The following ACOT12 variants were observed in gnomAD, a reference collection of about 807,000 sequenced individuals.
ACOT12 encodes acetyl-coenzyme A thioesterase.
ACOT12 carries 51 observed loss-of-function variants against 67.7 expected under a neutral mutation model. The ratio of observed to expected loss-of-function variants is 0.75; its 90% CI spans 0.60 to 0.95. The LOEUF is 0.95. Among genes scored for constraint, ACOT12 ranks in the 40% least tolerant of loss-of-function variants. ACOT12 has a pLI of 0.00. For missense variants in ACOT12, 734 were observed against 708.1 expected (o/e 1.04, Z -0.41); for synonymous variants, 251 against 244.6 (o/e 1.03, Z -0.24).
chr5:81,331,598 G>T (rs527798597), intron 13 of ACOT12, among the ~76,000 whole-genome samples: 50 of 152,244 alleles, frequency 3.3e-4, no homozygotes, highest in Non-Finnish European at 5.3e-4. Context: ...GAACCCTGTA[G>T]GCTACAAAAT....
rs769635280 is a variant in ACOT12, at chr5:81,344,986, G to T, written c.829C>A (p.Arg277=). The change falls in exon 8 of 15, where the codon CGA becomes AGA. Residue 277 remains arginine, a synonymous_variant. Coordinates refer to ENST00000307624, the MANE Select transcript of ACOT12 (RefSeq NM_130767.3). ...AAAGCACTGTTGATGTGACGCCCTC[G>T]GCCCTCGGCCCATTCCTGACAGTCA... ...AFDCQEWAEG[R]GRHINSAFLI... The T allele has an allele frequency of 6.2e-7, 1 of 1,614,096 alleles. No individual in the cohort carries two copies. The highest frequency in any genetic ancestry group is 1.7e-5 in the Admixed American group (1 of 60,016).
At chr5:81,373,922 A>C (rs139709623) in intron 2 of ACOT12, among the ~76,000 whole-genome samples, 6 of 152,168 alleles carry the variant, frequency 3.9e-5, no homozygotes. Flanking sequence ...CAGCAGACTT[A>C]AATGTCCCTG....
the ACOT12 span, among the ~76,000 whole-genome samples, chr5:81,321,751 A>G: frequency 6.6e-6 from 1 of 152,150 alleles, no homozygotes; most frequent in South Asian, 2.1e-4. Flanking sequence ...GTTCAAGACC[A>G]GCCTGGGCAA....
At chr5:81,326,050 A>G (rs1386556140), downstream of ACOT12, among the ~76,000 whole-genome samples, 1 of 149,276 alleles carries the variant, frequency 6.7e-6, no homozygotes, top group Non-Finnish European at 1.5e-5. Context: ...CAAGTGATCC[A>G]TGTGCCTCAG....
rs2153848709 is a variant in ACOT12 at position 81,344,207 on chromosome 5, G to A, written c.933C>T (p.Phe311=). The change falls in exon 9 of 15, where the codon TTC becomes TTT. Residue 311 remains phenylalanine, a synonymous_variant. Transcript: ENST00000307624. ...PRIQPISKDD[F]RRYRGAIARK... Reference sequence around the variant, plus strand: ...GTGCAATAGCTCCCCGATAGCGTCTGAAATCATCCTTTAATCAAAAACAAA... The same window carrying A: ...GTGCAATAGCTCCCCGATAGCGTCTAAAATCATCCTTTAATCAAAAACAAA... 3 of 1,612,920 alleles carry A rather than the reference G, an allele frequency of 1.9e-6. No homozygotes were observed. Among genetic ancestry groups the A allele is most frequent in the Non-Finnish European group, 2.5e-6 (3 of 1,179,436 alleles).
chr5:81,310,968 C>A, the ACOT12 span, among the ~76,000 whole-genome samples: 30 of 152,322 alleles, frequency 2.0e-4, no homozygotes, highest in African/African-American at 7.2e-4. Context: ...TATCTCATTT[C>A]TTTTTCCTAC....
At chr5:81,390,041 A>T (rs1760824137) in intron 1 of ACOT12, among the ~76,000 whole-genome samples, 1 of 146,930 alleles carries the variant, frequency 6.8e-6, no homozygotes, top group Non-Finnish European at 1.5e-5. Flanking sequence ...TGCAGCCTCG[A>T]CCTCCCAGGC....
chr5:81,362,163 CTTTT>C (rs529301882), intron 4 of ACOT12, among the ~76,000 whole-genome samples: 8 of 131,634 alleles, frequency 6.1e-5, no homozygotes, highest in Non-Finnish European at 6.4e-5. Context: ...CTATTATATT[CTTTT>C]TTTTTTTTTT....
chr5:81,321,511 G>T, the ACOT12 span, among the ~76,000 whole-genome samples: 2 of 151,914 alleles, frequency 1.3e-5, no homozygotes, highest in African/African-American at 2.4e-5. Flanking sequence ...TTTTAAAAAT[G>T]GAAAACTTGG....
intron 6 of ACOT12, among the ~76,000 whole-genome samples, chr5:81,346,434 C>T (rs1191446903): frequency 6.6e-6 from 1 of 152,192 alleles, no homozygotes; most frequent in African/African-American, 2.4e-5. Flanking sequence ...CAAATTCACC[C>T]ACAGATCAAA....
the ACOT12 span, among the ~76,000 whole-genome samples, chr5:81,310,157 T>TAAAAAAAAAA: frequency 0.034 from 3,560 of 104,240 alleles, 135 homozygotes; most frequent in East Asian, 0.093. Context: ...TGACTAGCTG[T>TAAAAAAAAAA]AAAAAAAAAA....
At chr5:81,368,543 G>A (rs1019136721) in intron 3 of ACOT12, among the ~76,000 whole-genome samples, 2 of 151,898 alleles carry the variant, frequency 1.3e-5, no homozygotes, top group African/African-American at 2.4e-5. Context: ...ACATAAAGAT[G>A]TATCTGGAAA....
In ACOT12 at chr5:81,349,486, T is replaced by A. The variant is rs115966238; in HGVS notation, c.497-1556A>T. On this transcript the variant is annotated intron_variant, in intron 5 of 14. Coordinates refer to ENST00000307624, the MANE Select transcript of ACOT12 (RefSeq NM_130767.3). Reference sequence around the variant, plus strand: ...GTCACATCCCTGCTGTCTACGGCAATCCCCCTGGCCACCATCACCTGTGTC... The same window carrying A: ...GTCACATCCCTGCTGTCTACGGCAAACCCCCTGGCCACCATCACCTGTGTC... Among the ~76,000 whole-genome samples the A allele has an allele frequency of 6.7e-3, 1,025 of 152,156 alleles. 7 individuals carry two copies. The highest frequency in any genetic ancestry group is 0.024 in the African/African-American group (977 of 41,514).
intron 2 of ACOT12, among the ~76,000 whole-genome samples, chr5:81,373,351 T>C (rs1244806601): frequency 6.6e-6 from 1 of 152,194 alleles, no homozygotes; most frequent in African/African-American, 2.4e-5. Context: ...ACTGAGCTTT[T>C]CCCATGGTCT....
intron 12 of ACOT12, among the ~76,000 whole-genome samples, chr5:81,335,055 T>C (rs531129852): frequency 6.6e-6 from 1 of 152,296 alleles, no homozygotes; most frequent in South Asian, 2.1e-4. Context: ...CAATGAAATA[T>C]TGAGAGTATG....
At chr5:81,330,988 G>A (rs1184832099) in intron 13 of ACOT12, 48 bp from the exon 14 acceptor site, 2 of 1,519,516 alleles carry the variant, frequency 1.3e-6, no homozygotes, top group African/African-American at 2.8e-5. Flanking sequence ...AAGAATAGTT[G>A]TTAGAAAATA....
chr5:81,371,765 G>C lies in ACOT12; in HGVS notation c.243C>G (p.Phe81Leu), dbSNP rs773631416. 68 of 1,614,000 alleles carry C rather than the reference G, an allele frequency of 4.2e-5. No homozygotes were observed. Among genetic ancestry groups the C allele is most frequent in the Non-Finnish European group, 5.2e-5 (61 of 1,180,000 alleles). Residue 81 changes from phenylalanine to leucine, a missense_variant, in exon 3 of 15, where the codon TTC (phenylalanine) becomes TTG (leucine). Coordinates refer to ENST00000307624, the MANE Select transcript of ACOT12 (RefSeq NM_130767.3). ...TGCCTCTTACCTCCATGCTTGTGCT[G>C]AATGCTCTAGTAACTTTTGCTTTGA... ...ITIKAKVTRA[F>L]STSMEISIKV... is the part of the protein sequence containing the mutation.
intron 5 of ACOT12, among the ~76,000 whole-genome samples, chr5:81,354,136 T>C (rs569863116): frequency 6.6e-6 from 1 of 152,348 alleles, no homozygotes; most frequent in Admixed American, 6.5e-5. Context: ...AAAGTTGTTT[T>C]ATGTGAAAGG....
chr5:81,319,640 C>T, the ACOT12 span, among the ~76,000 whole-genome samples: 1 of 151,984 alleles, frequency 6.6e-6, no homozygotes, highest in Non-Finnish European at 1.5e-5. Flanking sequence ...TCGCTTGAAC[C>T]CGGGAGGTGG....
Sources: allele counts gnomAD v4.1 joint callset (sites outside exome capture counted in the v4.1 genomes callset), GRCh38; gene constraint gnomAD v4.1.1; transcripts MANE v1.5; gene names NCBI Gene and HGNC (gene_info 2026-07-23, HGNC 2026-07-21).